The following EDIL3 variants were observed in gnomAD, a reference collection of about 807,000 sequenced individuals.
EDIL3 encodes EGF-like repeat and discoidin I-like domain-containing protein 3.
Under a neutral mutation model 67.4 loss-of-function variants are expected in EDIL3, and 37 were observed. The observed-to-expected ratio is 0.55, with a 90% confidence interval of 0.42 to 0.72. The LOEUF is 0.72. Among genes scored for constraint, EDIL3 ranks in the 30% least tolerant of loss-of-function variants. EDIL3 has a pLI of 0.00. For synonymous variants in EDIL3, 195 were observed against 196.3 expected, an observed-to-expected ratio of 0.99 and a Z score of 0.05; for missense variants, 527 against 586.3, an observed-to-expected ratio of 0.90 and a Z score of 1.04.
intron 1 of EDIL3, among the ~76,000 whole-genome samples, chr5:84,274,238 C>T (rs1284292532): frequency 6.6e-6 from 1 of 151,970 alleles, no homozygotes; most frequent in African/African-American, 2.4e-5. Context: ...AAGTAGGTAG[C>T]ACTACAGGTA....
intron 2 of EDIL3, among the ~76,000 whole-genome samples, chr5:84,232,955 C>A (rs975985367): frequency 1.6e-4 from 25 of 152,116 alleles, no homozygotes; most frequent in Admixed American, 1.1e-3. Flanking sequence ...ACAGAAGGTA[C>A]TATCATGCTA....
chr5:84,331,414 T>C (rs1746868438), intron 1 of EDIL3, among the ~76,000 whole-genome samples: 1 of 152,158 alleles, frequency 6.6e-6, no homozygotes, highest in Non-Finnish European at 1.5e-5. Flanking sequence ...TGGGAGGTAA[T>C]TGAATCATGG....
At chr5:84,066,042 G>A (rs1424797141) in intron 7 of EDIL3, among the ~76,000 whole-genome samples, 1 of 151,110 alleles carries the variant, frequency 6.6e-6, no homozygotes, top group Non-Finnish European at 1.5e-5. Context: ...GTGAACCTGG[G>A]AGGCAGAGTT....
rs1249512491 is a variant in EDIL3 at position 83,940,721 on chromosome 5, G to C, written c.*2698C>G. ...CATTGGAATATTACACAGCTTGAAG[G>C]TTTGCAAAGGTTATTTGTGTCTTAG... On this transcript the variant is annotated 3_prime_UTR_variant, in exon 11 of 11. Coordinates refer to ENST00000296591, the MANE Select transcript of EDIL3 (RefSeq NM_005711.5). 6.6e-6 allele frequency: 1 copy of C among 151,910 alleles called. No homozygotes were observed. Among genetic ancestry groups the C allele is most frequent in the Admixed American group, 6.6e-5 (1 of 15,230 alleles). The allele number at this position is 151,910 out of a possible 1,614,324, so 9.4% of individuals were successfully genotyped here.
At chr5:84,322,273 A>G (rs1746664590) in intron 1 of EDIL3, among the ~76,000 whole-genome samples, 1 of 152,010 alleles carries the variant, frequency 6.6e-6, no homozygotes, top group Non-Finnish European at 1.5e-5. Context: ...ATACTAGACA[A>G]AGACTAAGAC....
intron 1 of EDIL3, among the ~76,000 whole-genome samples, chr5:84,264,141 G>A (rs901906340): frequency 2.6e-5 from 4 of 152,102 alleles, no homozygotes; most frequent in African/African-American, 9.7e-5. Context: ...AGCTACTCGG[G>A]AGGCTGAGGC....
At chr5:84,109,420 C>T (rs536588835) in intron 5 of EDIL3, among the ~76,000 whole-genome samples, 59 of 152,192 alleles carry the variant, frequency 3.9e-4, no homozygotes, top group African/African-American at 1.3e-3. Flanking sequence ...GCAGGAGAAT[C>T]ACTTGAAGCC....
In EDIL3 at chr5:83,943,226, A is replaced by C. The variant is rs923209964; in HGVS notation, c.*193T>G. 28 of 618,754 alleles carry C rather than the reference A, an allele frequency of 4.5e-5. No homozygotes were observed. The highest frequency in any genetic ancestry group is 4.1e-4 in the African/African-American group (22 of 53,272). The allele number at this position is 618,754 out of a possible 1,614,324, so 38.3% of individuals were successfully genotyped here. A position where few individuals can be genotyped will look rare whatever the true frequency, so the allele number is the denominator to read the frequency against. ...ACTTAAGAGATTTGACGGATAAAATAAAATCAAATTAAATCATTGAAAAGG... is the reference window on the plus strand; with the variant it reads ...ACTTAAGAGATTTGACGGATAAAATCAAATCAAATTAAATCATTGAAAAGG... On this transcript the variant is annotated 3_prime_UTR_variant, in exon 11 of 11. Coordinates refer to ENST00000296591, the MANE Select transcript of EDIL3 (RefSeq NM_005711.5).
chr5:83,997,750 C>G (rs775704840), intron 9 of EDIL3, among the ~76,000 whole-genome samples: 1 of 152,062 alleles, frequency 6.6e-6, no homozygotes, highest in Non-Finnish European at 1.5e-5. Context: ...GCAGGAACAC[C>G]AAATTGAACA....
intron 9 of EDIL3, among the ~76,000 whole-genome samples, chr5:84,051,604 A>G (rs1746340328): frequency 6.6e-6 from 1 of 152,208 alleles, no homozygotes; most frequent in African/African-American, 2.4e-5. Context: ...CAATGCAAAG[A>G]AGTCCTTAAA....
At chr5:84,307,073 A>G (rs145717587) in intron 1 of EDIL3, among the ~76,000 whole-genome samples, 1 of 152,358 alleles carries the variant, frequency 6.6e-6, no homozygotes, top group African/African-American at 2.4e-5. Context: ...ATACTATCAC[A>G]AAAGATATAT....
In EDIL3 at chr5:84,066,558, C is replaced by T; in HGVS notation, c.700G>A (p.Ala234Thr). 2 of 1,613,530 alleles carry T rather than the reference C, an allele frequency of 1.2e-6. No homozygotes were observed. The highest frequency in any genetic ancestry group is 2.2e-5 in the South Asian group (2 of 90,926). The change falls in exon 7 of 11, where the codon GCC (alanine) becomes ACC (threonine). Residue 234 changes from alanine (A) to threonine (T), a missense_variant. Transcript: ENST00000296591. Reference sequence around the variant, plus strand: ...TACTCTGGGCTTCCAATCCTCTTGGCTCCTTGGGTAATCACACCAGTAACT... The same window carrying T: ...TACTCTGGGCTTCCAATCCTCTTGGTTCCTTGGGTAATCACACCAGTAACT... Reference protein sequence around the residue: ...MRVTGVITQGAKRIGSPEYIK... With the variant: ...MRVTGVITQGTKRIGSPEYIK...
At chr5:84,209,274 T>A (rs984331551) in intron 3 of EDIL3, among the ~76,000 whole-genome samples, 1 of 151,974 alleles carries the variant, frequency 6.6e-6, no homozygotes, top group Admixed American at 6.6e-5. Flanking sequence ...CACCTAATGC[T>A]AAATGACGAG....
rs78493020 is a variant in EDIL3, at chr5:84,362,768, T to C, written c.67+21540A>G. 2.4e-3 allele frequency among the ~76,000 whole-genome samples: 358 copies of C among 152,262 alleles called. 2 individuals carry two copies. The highest frequency in any genetic ancestry group is 8.4e-3 in the African/African-American group (347 of 41,544). On this transcript the variant is annotated intron_variant, in intron 1 of 10. Coordinates refer to ENST00000296591, the MANE Select transcript of EDIL3 (RefSeq NM_005711.5). ...GAAACCTGAAACCTCCAACTCTAGA[T>C]TGGTTTACTATGTAGCTGTTATCAG... is the stretch of plus-strand genomic sequence containing the variant.
intron 1 of EDIL3, among the ~76,000 whole-genome samples, chr5:84,370,855 G>A (rs1747828259): frequency 6.6e-6 from 1 of 151,996 alleles, no homozygotes; most frequent in Non-Finnish European, 1.5e-5. Context: ...AACTTAATGG[G>A]TCTATCAAAG....
chr5:84,073,388 G>A (rs1386902987), intron 6 of EDIL3, among the ~76,000 whole-genome samples: 2 of 152,122 alleles, frequency 1.3e-5, no homozygotes, highest in Non-Finnish European at 2.9e-5. Context: ...ATTCAATTAG[G>A]AAAAGAGGAA....
At chr5:84,078,718 A>T (rs1746909411) in intron 6 of EDIL3, 1 of 152,224 alleles carries the variant, frequency 6.6e-6, no homozygotes, top group African/African-American at 2.4e-5. Context: ...GGGAAAAATC[A>T]TTGGTTTCTC....
chr5:84,117,540 C>A (rs1212164244), intron 5 of EDIL3, among the ~76,000 whole-genome samples: 1 of 149,572 alleles, frequency 6.7e-6, no homozygotes, highest in Non-Finnish European at 1.5e-5. Flanking sequence ...AGAGTTTGGC[C>A]TAGTGATTAA....
intron 1 of EDIL3, among the ~76,000 whole-genome samples, chr5:84,339,625 A>G (rs1284827774): frequency 6.6e-6 from 1 of 151,918 alleles, no homozygotes; most frequent in African/African-American, 2.4e-5. Flanking sequence ...AATTTTTGAA[A>G]CATTATATAT....
Sources: gnomAD v4.1 joint callset for allele counts (sites outside exome capture counted in the v4.1 genomes callset) on GRCh38, gnomAD v4.1.1 for gene constraint, MANE v1.5 for transcripts, NCBI Gene and HGNC (gene_info 2026-07-23, HGNC 2026-07-21) for gene names.